Variants in CEP192 observed in about 807,000 individuals in gnomAD.
CEP192 encodes centrosomal protein 192.
CEP192 carries 151 observed loss-of-function variants against 271.8 expected under a neutral mutation model. The ratio of observed to expected loss-of-function variants is 0.56; its 90% CI spans 0.49 to 0.64. The LOEUF is 0.64. Ranked by LOEUF, CEP192 falls within the 30% of genes least tolerant of loss-of-function variation. The probability of loss-of-function intolerance (pLI) is 0.00; values close to 1 mark genes in which losing one functional copy is unlikely to be tolerated. For missense variants in CEP192, 2,910 were observed against 3,020.5 expected, an observed-to-expected ratio of 0.96 and a Z score of 0.86; for synonymous variants, 995 against 1,076.5, an observed-to-expected ratio of 0.92 and a Z score of 1.48.
At chr18:13,048,302 C>T (rs561983857) in intron 15 of CEP192, among the ~76,000 whole-genome samples, 4 of 152,286 alleles carry the variant, frequency 2.6e-5, no homozygotes, top group African/African-American at 7.2e-5. Flanking sequence ...CTTCTCCACC[C>T]GTCTTCACTT....
At position 13,103,246 on chromosome 18, in the gene CEP192, A is replaced by C. The variant is rs189789353; in HGVS notation, c.6872-263A>C. Among the ~76,000 whole-genome samples, 400 of 152,324 alleles carry C rather than the reference A, an allele frequency of 2.6e-3. 3 individuals carry two copies. Among genetic ancestry groups the C allele is most frequent in the Non-Finnish European group, 2.8e-3 (188 of 68,032 alleles). On this transcript the variant is annotated intron_variant, in intron 38 of 44. Transcript: ENST00000506447. ...GTCTCTTTTTTACAGAGCAGTCTGT[A>C]ACGCTTTAAAAATGTAAATCATCTT... is the stretch of plus-strand genomic sequence containing the variant.
intron 2 of CEP192, 76 bp downstream of exon 2, chr18:12,999,664 A>C (rs1229108093): frequency 8.9e-7 from 1 of 1,122,358 alleles, no homozygotes; most frequent in Admixed American, 3.6e-5. Flanking sequence ...TCTGTTTCTC[A>C]GTCAAGCTTG....
chr18:13,063,014 A>G (rs1459508942), intron 21 of CEP192, among the ~76,000 whole-genome samples: 2 of 152,194 alleles, frequency 1.3e-5, no homozygotes, highest in African/African-American at 4.8e-5. Context: ...TTCACTTAAC[A>G]TAATGATCTC....
chr18:13,093,209 T>C (rs1482083011), intron 34 of CEP192, among the ~76,000 whole-genome samples: 1 of 152,112 alleles, frequency 6.6e-6, no homozygotes, highest in Non-Finnish European at 1.5e-5. Flanking sequence ...GGAAAACTCA[T>C]CCAAATTAGG....
intron 9 of CEP192, among the ~76,000 whole-genome samples, chr18:13,028,518 A>T (rs1161665440): frequency 1.3e-5 from 2 of 150,778 alleles, no homozygotes; most frequent in Non-Finnish European, 3.0e-5. Flanking sequence ...TTGTTTATTT[A>T]TTTTATTTAT....
chr18:13,027,389 G>A (rs949391618), intron 9 of CEP192, among the ~76,000 whole-genome samples: 1 of 152,146 alleles, frequency 6.6e-6, no homozygotes, highest in Non-Finnish European at 1.5e-5. Context: ...AAAGCATGGG[G>A]CCCACCTATG....
At chr18:12,995,869 G>C (rs1314884932) in intron 1 of CEP192, among the ~76,000 whole-genome samples, 1 of 152,200 alleles carries the variant, frequency 6.6e-6, no homozygotes, top group Non-Finnish European at 1.5e-5. Flanking sequence ...CTAGGGTGGA[G>C]GTCCTGGAGC....
intron 40 of CEP192, among the ~76,000 whole-genome samples, chr18:13,110,794 C>A (rs915736904): frequency 3.3e-5 from 5 of 152,212 alleles, no homozygotes; most frequent in African/African-American, 7.2e-5. Context: ...TGGCCAAACA[C>A]TTATGTAAAT....
At chr18:13,104,618 AT>A (rs148086481) in intron 39 of CEP192, among the ~76,000 whole-genome samples, 1,729 of 152,340 alleles carry the variant, frequency 0.011, 21 homozygotes, top group South Asian at 0.043. Flanking sequence ...TCTTAAAAAA[AT>A]AAATAGATAA....
Position 13,008,516 on chromosome 18 carries a change from ACAGT to A in CEP192, c.355_358del (p.Ser119LeufsTer48). The A allele has an allele frequency of 6.4e-7, 1 of 1,551,590 alleles. No homozygotes were observed. ...AACGTTTGTCAAATGCTCTCAGCAA[ACAGT>A]CAGCTTTACAAATGGAGACAGCAGG... On this transcript the variant is annotated frameshift_variant, in exon 4 of 45. Transcript: ENST00000506447. LOFTEE classifies it high-confidence loss of function.
At chr18:13,021,496 C>T (rs1469004073) in intron 9 of CEP192, among the ~76,000 whole-genome samples, 1 of 152,218 alleles carries the variant, frequency 6.6e-6, no homozygotes, top group Non-Finnish European at 1.5e-5. Context: ...CAGTACCACA[C>T]TGCTTTAATC....
chr18:13,085,039 A>G (rs1241621434), intron 30 of CEP192, among the ~76,000 whole-genome samples: 4 of 149,962 alleles, frequency 2.7e-5, no homozygotes, highest in Non-Finnish European at 5.9e-5. Context: ...GTTAGCCAGG[A>G]TGGTCTTGAT....
intron 1 of CEP192, among the ~76,000 whole-genome samples, chr18:12,992,177 A>G (rs2032904025): frequency 6.6e-6 from 1 of 152,110 alleles, no homozygotes; most frequent in Non-Finnish European, 1.5e-5. Context: ...TGCTCTTACT[A>G]TTTTGAGGTC....
At chr18:13,030,423 G>A (rs1002691347) in intron 10 of CEP192, 42 bp from the exon 11 acceptor site, 2 of 1,468,736 alleles carry the variant, frequency 1.4e-6, no homozygotes, top group African/African-American at 2.8e-5. Context: ...CATTTTAGTT[G>A]TTACATGTGT....
At chr18:13,052,311 T>G (rs146590282) in intron 17 of CEP192, among the ~76,000 whole-genome samples, 127 of 152,350 alleles carry the variant, frequency 8.3e-4, no homozygotes, top group African/African-American at 3.0e-3. Context: ...TATTGCATGT[T>G]TGTGCTCTAA....
chr18:13,124,881 T>A lies in CEP192; in HGVS notation c.*111T>A. 1 of 893,844 alleles carries A rather than the reference T, an allele frequency of 1.1e-6. No individual in the cohort carries two copies. Among genetic ancestry groups the A allele is most frequent in the Non-Finnish European group, 1.7e-6 (1 of 604,944 alleles). The allele number at this position is 893,844 out of a possible 1,614,324, so 55.4% of individuals were successfully genotyped here. A position where few individuals can be genotyped will look rare whatever the true frequency, so the allele number is the denominator to read the frequency against. ...ATATATTTTGTATGATGGATATCTA[T>A]AATTGTAGATTTTGTTTTTACAAGC... is the stretch of plus-strand genomic sequence containing the variant. On this transcript the variant is annotated 3_prime_UTR_variant, in exon 45 of 45. Transcript: ENST00000506447.
intron 11 of CEP192, among the ~76,000 whole-genome samples, chr18:13,033,261 C>G (rs1228896344): frequency 1.3e-5 from 2 of 152,140 alleles, no homozygotes; most frequent in Non-Finnish European, 2.9e-5. Context: ...AAAAGACCAA[C>G]TACCCCAAAA....
At chr18:13,010,386 A>G (rs372059379) in intron 4 of CEP192, among the ~76,000 whole-genome samples, 1 of 152,196 alleles carries the variant, frequency 6.6e-6, no homozygotes, top group African/African-American at 2.4e-5. Context: ...TACACATTAT[A>G]TGTTAGAAAA....
chr18:13,103,250 C>G (rs1459792017), intron 38 of CEP192, among the ~76,000 whole-genome samples: 1 of 152,186 alleles, frequency 6.6e-6, no homozygotes, highest in African/African-American at 2.4e-5. Flanking sequence ...GTCTGTAACG[C>G]TTTAAAAATG....
Sources: gnomAD v4.1 joint callset for allele counts (sites outside exome capture counted in the v4.1 genomes callset) on GRCh38, gnomAD v4.1.1 for gene constraint, MANE v1.5 for transcripts, NCBI Gene and HGNC (gene_info 2026-07-23, HGNC 2026-07-21) for gene names.